Variants in ST8SIA1 observed in about 807,000 individuals in gnomAD.
ST8SIA1 encodes alpha-N-acetylneuraminide alpha-2,8-sialyltransferase.
In ST8SIA1, 16 loss-of-function variants were observed where a neutral mutation model predicts 35.9. The observed-to-expected ratio is 0.45, with a 90% CI of 0.30 to 0.68. ST8SIA1 has a LOEUF of 0.68. ST8SIA1 is among the 30% of genes least tolerant of loss of function. ST8SIA1 has a pLI of 0.09. For missense variants in ST8SIA1, 383 were observed against 453.6 expected, an observed-to-expected ratio of 0.84 and a Z score of 1.41; for synonymous variants, 170 against 169.6, an observed-to-expected ratio of 1.00 and a Z score of -0.02.
At chr12:22,242,551 T>C (rs1865552783) in intron 4 of ST8SIA1, among the ~76,000 whole-genome samples, 1 of 152,134 alleles carries the variant, frequency 6.6e-6, no homozygotes, top group African/African-American at 2.4e-5. Flanking sequence ...TTAAAAATAA[T>C]CAAGGGAATG....
chr12:22,268,060 A>ACAG (rs1298675277), intron 2 of ST8SIA1, among the ~76,000 whole-genome samples: 2 of 152,148 alleles, frequency 1.3e-5, no homozygotes, highest in East Asian at 3.9e-4. Context: ...ATCTTCCACA[A>ACAG]CAGCGAATAA....
rs59358478 is a variant in ST8SIA1, at chr12:22,331,715, A to G, written c.236+2282T>C. On this transcript the variant is annotated intron_variant, in intron 1 of 4. Transcript: ENST00000396037. ...AAAAAATAATTAACTCAAACCATGA[A>G]ACTTCTCCTACCTTTCAAAATGTCT... Among the ~76,000 whole-genome samples, 1,370 of 152,306 alleles carry G rather than the reference A, an allele frequency of 9.0e-3. 29 individuals carry two copies. The highest frequency in any genetic ancestry group is 0.032 in the African/African-American group (1,315 of 41,566).
At chr12:22,251,027 A>G (rs974385297) in intron 3 of ST8SIA1, among the ~76,000 whole-genome samples, 1 of 152,202 alleles carries the variant, frequency 6.6e-6, no homozygotes. Flanking sequence ...GAGTGAGTTT[A>G]TGCATTAACA....
intron 1 of ST8SIA1, among the ~76,000 whole-genome samples, chr12:22,310,277 G>C (rs962995415): frequency 6.6e-6 from 1 of 152,164 alleles, no homozygotes; most frequent in Non-Finnish European, 1.5e-5. Context: ...AAAACACTAG[G>C]AGAAGGAAGG....
intron 4 of ST8SIA1, among the ~76,000 whole-genome samples, chr12:22,243,033 T>C (rs565899588): frequency 3.1e-4 from 47 of 152,234 alleles, no homozygotes; most frequent in Admixed American, 5.2e-4. Flanking sequence ...TTACTGAGAA[T>C]TTCTTTTAGA....
At chr12:22,315,078 T>C (rs1866500620) in intron 1 of ST8SIA1, among the ~76,000 whole-genome samples, 1 of 152,152 alleles carries the variant, frequency 6.6e-6, no homozygotes, top group South Asian at 2.1e-4. Context: ...TGCTACCAAG[T>C]ACCAGCATTT....
At chr12:22,250,932 C>A (rs1283311352) in intron 3 of ST8SIA1, 1 of 152,180 alleles carries the variant, frequency 6.6e-6, no homozygotes, top group African/African-American at 2.4e-5. Flanking sequence ...GGGGTGGAGC[C>A]CAAGTCAGAG....
At chr12:22,310,614 T>A (rs1045307187) in intron 1 of ST8SIA1, among the ~76,000 whole-genome samples, 2 of 152,176 alleles carry the variant, frequency 1.3e-5, no homozygotes, top group African/African-American at 4.8e-5. Flanking sequence ...TCAAAAAATG[T>A]TTAAGGCAAA....
chr12:22,332,473 T>C (rs1264905606), intron 1 of ST8SIA1, among the ~76,000 whole-genome samples: 2 of 152,214 alleles, frequency 1.3e-5, no homozygotes, highest in Admixed American at 1.3e-4. Flanking sequence ...TTTCCTTAGA[T>C]CACTTGAAAT....
chr12:22,265,429 T>A (rs951847256), intron 2 of ST8SIA1, among the ~76,000 whole-genome samples: 1 of 152,220 alleles, frequency 6.6e-6, no homozygotes, highest in Non-Finnish European at 1.5e-5. Flanking sequence ...CACATCTTCA[T>A]GTTGATGAGC....
At chr12:22,320,994 A>G (rs879684476) in intron 1 of ST8SIA1, among the ~76,000 whole-genome samples, 1,506 of 112,146 alleles carry the variant, frequency 0.013, 12 homozygotes, top group South Asian at 0.023. Context: ...AAAGAAAGAA[A>G]GAAAGAAAGA....
At chr12:22,222,980 T>G (rs1865316703) in intron 4 of ST8SIA1, among the ~76,000 whole-genome samples, 1 of 152,220 alleles carries the variant, frequency 6.6e-6, no homozygotes, top group African/African-American at 2.4e-5. Flanking sequence ...TTTTGGGATC[T>G]CTTCAAACCC....
At chr12:22,332,543 T>C (rs893049609) in intron 1 of ST8SIA1, among the ~76,000 whole-genome samples, 3 of 152,212 alleles carry the variant, frequency 2.0e-5, no homozygotes, top group Non-Finnish European at 4.4e-5. Context: ...TTGCCTGCTC[T>C]TGAGTCCCAC....
intron 1 of ST8SIA1, among the ~76,000 whole-genome samples, chr12:22,298,943 G>C (rs530304693): frequency 1.3e-5 from 2 of 152,044 alleles, no homozygotes; most frequent in East Asian, 3.9e-4. Flanking sequence ...GAAGCATTGA[G>C]AAAATAAAGG....
At chr12:22,282,473 A>G (rs758343387) in intron 2 of ST8SIA1, among the ~76,000 whole-genome samples, 4 of 152,156 alleles carry the variant, frequency 2.6e-5, no homozygotes, top group Admixed American at 1.3e-4. Context: ...CTGATTAATG[A>G]TACATGAGCA....
intron 1 of ST8SIA1, among the ~76,000 whole-genome samples, chr12:22,309,298 T>C (rs1489349082): frequency 1.3e-5 from 2 of 152,168 alleles, no homozygotes; most frequent in Admixed American, 1.3e-4. Flanking sequence ...ACTCCACCAC[T>C]GATGTCCAAC....
chr12:22,329,548 T>C (rs908183848), intron 1 of ST8SIA1, among the ~76,000 whole-genome samples: 1 of 152,188 alleles, frequency 6.6e-6, no homozygotes, highest in Non-Finnish European at 1.5e-5. Flanking sequence ...AACTACCTTT[T>C]CAAAGTGAAT....
chr12:22,236,043 A>G (rs538428618), intron 4 of ST8SIA1, among the ~76,000 whole-genome samples: 5 of 152,322 alleles, frequency 3.3e-5, no homozygotes, highest in South Asian at 4.1e-4. Context: ...CACTCTCTGA[A>G]AAACAACTTA....
intron 4 of ST8SIA1, among the ~76,000 whole-genome samples, chr12:22,248,518 A>T (rs1865629981): frequency 6.6e-6 from 1 of 152,180 alleles, no homozygotes; most frequent in Non-Finnish European, 1.5e-5. Flanking sequence ...ATTGAATATA[A>T]TATAATGTAA....
Sources: gnomAD v4.1 joint callset for allele counts (sites outside exome capture counted in the v4.1 genomes callset) on GRCh38, gnomAD v4.1.1 for gene constraint, MANE v1.5 for transcripts, NCBI Gene and HGNC (gene_info 2026-07-23, HGNC 2026-07-21) for gene names.